Variants in TBL1XR1 observed in about 807,000 individuals in gnomAD.
The protein encoded by TBL1XR1 is TBL1X/Y related 1, also known as F-box-like/WD repeat-containing protein TBL1XR1.
In TBL1XR1, 5 loss-of-function variants were observed where a neutral mutation model predicts 66.9. That is an observed-to-expected ratio of 0.07 (90% CI 0.04 to 0.16). TBL1XR1 has a LOEUF of 0.16. Ranked by LOEUF, TBL1XR1 falls within the 10% of genes least tolerant of loss-of-function variation. The probability of loss-of-function intolerance (pLI) is 1.00; values close to 1 mark genes in which losing one functional copy is unlikely to be tolerated. For missense variants in TBL1XR1, 238 were observed against 623.2 expected (o/e 0.38, Z 6.58); for synonymous variants, 210 against 206.0 (o/e 1.02, Z -0.17).
intron 1 of TBL1XR1, among the ~76,000 whole-genome samples, chr3:177,173,320 G>A (rs373774357): frequency 6.6e-6 from 1 of 152,216 alleles, no homozygotes; most frequent in Non-Finnish European, 1.5e-5. Flanking sequence ...ATGAGGGCTA[G>A]ATTAGTAGAC....
upstream of TBL1XR1, among the ~76,000 whole-genome samples, chr3:177,198,357 T>A (rs1302762434): frequency 6.6e-6 from 1 of 152,234 alleles, no homozygotes; most frequent in African/African-American, 2.4e-5. Flanking sequence ...GATCAGTTCT[T>A]ATTTCACAAA....
intron 1 of TBL1XR1, among the ~76,000 whole-genome samples, chr3:177,160,233 G>A (rs1207846580): frequency 1.3e-5 from 2 of 152,050 alleles, no homozygotes; most frequent in Admixed American, 6.6e-5. Flanking sequence ...AGCACTTTGG[G>A]AGGACGTCAT....
At chr3:177,103,343 G>C (rs1029941470) in intron 1 of TBL1XR1, among the ~76,000 whole-genome samples, 2 of 152,160 alleles carry the variant, frequency 1.3e-5, no homozygotes, top group African/African-American at 4.8e-5. Flanking sequence ...TTTACTTCTT[G>C]TAATAAAATA....
In TBL1XR1 at chr3:177,101,524, C is replaced by A. The variant is rs1030841497; in HGVS notation, c.-121-2983G>T. On this transcript the variant is annotated intron_variant, in intron 1 of 15. Transcript: ENST00000457928. ...TTAAGATAAAGTCATCAGGGTGTAGCCCCCATGATGGGACTGGCCACTTTA... is the reference window on the plus strand; with the variant it reads ...TTAAGATAAAGTCATCAGGGTGTAGACCCCATGATGGGACTGGCCACTTTA... 1.1e-4 allele frequency among the ~76,000 whole-genome samples: 17 copies of A among 152,162 alleles called. No homozygotes were observed. The East Asian group carries it at 3.3e-3, about 29-fold the overall frequency.
chr3:177,063,167 C>T (rs1718736932), intron 3 of TBL1XR1, among the ~76,000 whole-genome samples: 1 of 152,106 alleles, frequency 6.6e-6, no homozygotes, highest in Admixed American at 6.6e-5. Flanking sequence ...ATTTAATCTA[C>T]TCGTTCAGAA....
intron 13 of TBL1XR1, among the ~76,000 whole-genome samples, chr3:177,033,614 A>T (rs878979846): frequency 1.3e-5 from 2 of 152,144 alleles, no homozygotes; most frequent in Admixed American, 1.3e-4. Flanking sequence ...TCAATATAGA[A>T]TATCATTATA....
rs1725652787 is a variant in TBL1XR1, at chr3:177,112,086, TATATATATATATATATATA to T, written c.-121-13564_-121-13546del. Among the ~76,000 whole-genome samples the T allele has an allele frequency of 7.0e-5, 3 of 42,638 alleles. 1 individual carries two copies. The highest frequency in any genetic ancestry group is 4.8e-4 in the African/African-American group (3 of 6,232). The allele number at this position is 42,638 out of a possible 152,430, so 28.0% of individuals were successfully genotyped here. ...AGATATAAAATCAAATATATATATA[TATATATATATATATATATA>T]TATTTTTTTTTTTTTTTTTTGTGAG... On this transcript the variant is annotated intron_variant, in intron 1 of 15. Transcript: ENST00000457928.
intron 1 of TBL1XR1, among the ~76,000 whole-genome samples, chr3:177,170,931 C>CAG (rs1418828809): frequency 6.6e-6 from 1 of 152,136 alleles, no homozygotes; most frequent in Non-Finnish European, 1.5e-5. Context: ...CCTGGATCCC[C>CAG]AGTTCTAACA....
At chr3:177,096,719 C>T (rs1469598955) in intron 2 of TBL1XR1, among the ~76,000 whole-genome samples, 1 of 152,212 alleles carries the variant, frequency 6.6e-6, no homozygotes, top group Non-Finnish European at 1.5e-5. Context: ...TACCATGAAT[C>T]TGTTTCTTTC....
intron 1 of TBL1XR1, among the ~76,000 whole-genome samples, chr3:177,141,531 A>C (rs1003052814): frequency 3.3e-5 from 5 of 152,222 alleles, no homozygotes; most frequent in African/African-American, 1.2e-4. Flanking sequence ...ATGCACCTGA[A>C]AGTGCATAAA....
rs902345607 is a variant in TBL1XR1, at chr3:177,192,309, G to C, written c.-122+4812C>G. 2.6e-5 allele frequency among the ~76,000 whole-genome samples: 4 copies of C among 151,558 alleles called. No homozygotes were observed. In the East Asian group the frequency reaches 7.8e-4, roughly 29 times the overall value. On this transcript the variant is annotated intron_variant, in intron 1 of 15. Coordinates refer to ENST00000457928, the MANE Select transcript of TBL1XR1 (RefSeq NM_024665.7). Reference sequence around the variant, plus strand: ...AGGCAGGAGAATCGCTTGAACCCAGGAGGCGCGAGGTTGCAGTAAGAGGAG... The same window carrying C: ...AGGCAGGAGAATCGCTTGAACCCAGCAGGCGCGAGGTTGCAGTAAGAGGAG...
At chr3:177,139,747 A>T (rs959298788) in intron 1 of TBL1XR1, among the ~76,000 whole-genome samples, 1 of 152,158 alleles carries the variant, frequency 6.6e-6, no homozygotes, top group Non-Finnish European at 1.5e-5. Flanking sequence ...GCAAAAGTGG[A>T]GAACAGAGAG....
chr3:177,149,012 AGAAAAG>A lies in TBL1XR1; in HGVS notation c.-122+48103_-122+48108del, dbSNP rs746082194. On this transcript the variant is annotated intron_variant, in intron 1 of 15. Coordinates refer to ENST00000457928, the MANE Select transcript of TBL1XR1 (RefSeq NM_024665.7). ...AAGAGCAAAACTCCCTCAAAAAAAA[AGAAAAG>A]AAAAGAAAAGAAAAAACTCCAGGAG... Among the ~76,000 whole-genome samples the A allele has an allele frequency of 1.4e-4, 20 of 146,228 alleles. 2 individuals carry two copies. Among genetic ancestry groups the A allele is most frequent in the Middle Eastern group, 3.2e-3 (1 of 310 alleles).
chr3:177,053,266 T>C (rs1717348772), intron 4 of TBL1XR1, among the ~76,000 whole-genome samples: 1 of 152,176 alleles, frequency 6.6e-6, no homozygotes, highest in South Asian at 2.1e-4. Context: ...ATGGACAATA[T>C]GTAAATGCAT....
chr3:177,095,077 G>C (rs991029516), intron 2 of TBL1XR1, among the ~76,000 whole-genome samples: 1 of 151,146 alleles, frequency 6.6e-6, no homozygotes, highest in African/African-American at 2.4e-5. Context: ...CTACAATACA[G>C]ATGAATCATC....
At position 177,029,145 on chromosome 3, in the gene TBL1XR1, G is replaced by T. The variant is rs373155507; in HGVS notation, c.1417-2671C>A. Among the ~76,000 whole-genome samples the T allele has an allele frequency of 4.6e-4, 70 of 151,344 alleles. 2 individuals are homozygous for T. The South Asian group carries it at 0.014, about 31-fold the overall frequency. On this transcript the variant is annotated intron_variant, in intron 14 of 15. Coordinates refer to ENST00000457928, the MANE Select transcript of TBL1XR1 (RefSeq NM_024665.7). Reference sequence around the variant, plus strand: ...AAAAAAAAAAAAAGCTATCAAAAAGGAAAGATCTAGCCGGGCACAGTGGCA... The same window carrying T: ...AAAAAAAAAAAAAGCTATCAAAAAGTAAAGATCTAGCCGGGCACAGTGGCA...
At chr3:177,190,168 C>T (rs993411610) in intron 1 of TBL1XR1, among the ~76,000 whole-genome samples, 7 of 132,510 alleles carry the variant, frequency 5.3e-5, no homozygotes, top group African/African-American at 2.1e-4. Flanking sequence ...AAAAAGAGTC[C>T]AAAATCTTAA....
At chr3:177,114,841 G>T (rs1224173904) in intron 1 of TBL1XR1, among the ~76,000 whole-genome samples, 1 of 151,866 alleles carries the variant, frequency 6.6e-6, no homozygotes, top group Non-Finnish European at 1.5e-5. Context: ...TAGCTGGGCA[G>T]GGTGGCATGC....
chr3:177,105,643 T>A (rs1724787351), intron 1 of TBL1XR1, among the ~76,000 whole-genome samples: 1 of 152,206 alleles, frequency 6.6e-6, no homozygotes, highest in South Asian at 2.1e-4. Flanking sequence ...AAGAAGACTG[T>A]CTTTGATTAG....
Sources: gnomAD v4.1 joint callset for allele counts (sites outside exome capture counted in the v4.1 genomes callset) on GRCh38, gnomAD v4.1.1 for gene constraint, MANE v1.5 for transcripts, NCBI Gene and HGNC (gene_info 2026-07-23, HGNC 2026-07-21) for gene names.